Variants in SLC19A2 observed in about 807,000 individuals in gnomAD.
The protein encoded by SLC19A2 is solute carrier family 19 member 2.
Under a neutral mutation model 44.7 loss-of-function variants are expected in SLC19A2, and 27 were observed. The observed-to-expected ratio is 0.60, with a 90% CI of 0.45 to 0.83. The LOEUF is 0.83. SLC19A2 is among the 40% of genes least tolerant of loss of function. The probability of loss-of-function intolerance (pLI) is 0.00; values close to 1 mark genes in which losing one functional copy is unlikely to be tolerated. For missense variants in SLC19A2, 566 were observed against 613.7 expected, an observed-to-expected ratio of 0.92 and a Z score of 0.82; for synonymous variants, 239 against 243.6, an observed-to-expected ratio of 0.98 and a Z score of 0.18.
chr1:169,467,399 T>C (rs1658016719), intron 5 of SLC19A2, among the ~76,000 whole-genome samples: 2 of 152,184 alleles, frequency 1.3e-5, no homozygotes, highest in Admixed American at 6.6e-5. Flanking sequence ...ATTTCTCTCT[T>C]AGATCGCTTC....
At chr1:169,473,238 T>G (rs1035914570) in intron 2 of SLC19A2, among the ~76,000 whole-genome samples, 23 of 151,968 alleles carry the variant, frequency 1.5e-4, no homozygotes, top group Admixed American at 1.3e-4. Context: ...GGAAATTTTA[T>G]TTATTTATTT....
intron 2 of SLC19A2, among the ~76,000 whole-genome samples, chr1:169,476,848 C>A (rs1475729867): frequency 6.6e-6 from 1 of 152,076 alleles, no homozygotes; most frequent in East Asian, 1.9e-4. Flanking sequence ...TATTTATATG[C>A]CAAACACTCA....
chr1:169,484,775 A>G (rs1346361041), intron 1 of SLC19A2, among the ~76,000 whole-genome samples: 1 of 152,216 alleles, frequency 6.6e-6, no homozygotes, highest in Non-Finnish European at 1.5e-5. Context: ...AATCAGCAAG[A>G]AACTCTTGAT....
Position 169,465,434 on chromosome 1 carries a change from T to G in SLC19A2, c.*415A>C, listed in dbSNP as rs1012345673. 3 of 204,238 alleles carry G rather than the reference T, an allele frequency of 1.5e-5. No individual in the cohort carries two copies. The highest frequency in any genetic ancestry group is 5.3e-5 in the Admixed American group (1 of 18,798). The allele number at this position is 204,238 out of a possible 1,614,324, so 12.7% of individuals were successfully genotyped here. On this transcript the variant is annotated 3_prime_UTR_variant, in exon 6 of 6. Coordinates refer to ENST00000236137, the MANE Select transcript of SLC19A2 (RefSeq NM_006996.3). The stretch of plus-strand genomic sequence containing the variant: ...AGAACATATTTCCATCCATCATGAC[T>G]TGCAACATTTTGTGGCCTCTGTGGA...
In SLC19A2 at chr1:169,485,758, C is replaced by G. The variant is rs1363553501; in HGVS notation, c.9G>C (p.Val3=). Reference sequence around the variant, plus strand: ...CCGCCCGCCGAGACACCGGGCCGGGCACATCCATCCGGGGCGCGAGGGGAG... The same window carrying G: ...CCGCCCGCCGAGACACCGGGCCGGGGACATCCATCCGGGGCGCGAGGGGAG... MD[V]PGPVSRRAAA... is the part of the protein sequence containing the mutation. Residue 3 remains valine, a synonymous_variant, in exon 1 of 6, where the codon GTG becomes GTC. Coordinates refer to ENST00000236137, the MANE Select transcript of SLC19A2 (RefSeq NM_006996.3). The G allele has an allele frequency of 1.3e-6, 2 of 1,533,438 alleles. No homozygotes were observed. Among genetic ancestry groups the G allele is most frequent in the Admixed American group, 4.0e-5 (2 of 50,576 alleles). 95.0% of individuals were successfully genotyped at this position (1,533,438 alleles called of 1,614,324 possible).
At position 169,485,550 on chromosome 1, in the gene SLC19A2, CCGCCGCGCGTA is replaced by C; in HGVS notation, c.204+2_204+12del. 1 of 1,577,216 alleles carries C rather than the reference CCGCCGCGCGTA, an allele frequency of 6.3e-7. No homozygotes were observed. The highest frequency in any genetic ancestry group is 8.6e-7 in the Non-Finnish European group (1 of 1,162,024). ...CGCCCGCCCTTCCCGCGCCCCGCGT[CCGCCGCGCGTA>C]CCTCCCTCTCGGTCAGGTTCTTGTC... On this transcript the variant is annotated splice_donor_variant and splice_donor_5th_base_variant and intron_variant, in intron 1 of 5. Transcript: ENST00000236137. LOFTEE classifies it high-confidence loss of function.
chr1:169,484,220 C>T (rs1312320318), intron 1 of SLC19A2, among the ~76,000 whole-genome samples: 3 of 152,220 alleles, frequency 2.0e-5, no homozygotes, highest in African/African-American at 7.2e-5. Context: ...AATTCTCTCT[C>T]AAGTGCCCTT....
chr1:169,470,041 C>A lies in SLC19A2; in HGVS notation c.953G>T (p.Gly318Val). The A allele has an allele frequency of 6.2e-7, 1 of 1,613,964 alleles. No homozygotes were observed. Among genetic ancestry groups the A allele is most frequent in the South Asian group, 1.1e-5 (1 of 91,072 alleles). Residue 318 changes from glycine (G) to valine (V), a missense_variant, in exon 3 of 6, where the codon GGC (glycine) becomes GTC (valine). Coordinates refer to ENST00000236137, the MANE Select transcript of SLC19A2 (RefSeq NM_006996.3). ...GYFQVVNYTQ[G>V]LWEKVMPSRY... is the part of the protein sequence containing the mutation. ...AGAAGGCATCACTTTCTCCCACAGG[C>A]CCTGTGTGTAGTTCACAACTTGAAA... is the stretch of plus-strand genomic sequence containing the variant.
intron 5 of SLC19A2, among the ~76,000 whole-genome samples, chr1:169,466,604 T>A (rs1658000258): frequency 6.6e-6 from 1 of 152,098 alleles, no homozygotes; most frequent in Non-Finnish European, 1.5e-5. Context: ...CCATGGTGGT[T>A]TGCTGCACCT....
intron 1 of SLC19A2, among the ~76,000 whole-genome samples, chr1:169,478,575 G>A (rs532324322): frequency 1.0e-3 from 120 of 115,876 alleles, no homozygotes; most frequent in Middle Eastern, 9.1e-3. Flanking sequence ...GTTTCACCAC[G>A]TTACCCAGGC....
intron 2 of SLC19A2, among the ~76,000 whole-genome samples, chr1:169,473,569 C>T (rs1381074270): frequency 6.6e-6 from 1 of 151,944 alleles, no homozygotes; most frequent in Admixed American, 6.6e-5. Context: ...TTTAAAGTGC[C>T]ACTTCCTATG....
rs1207307074 is a variant in SLC19A2 at position 169,485,922 on chromosome 1, A to G, written c.-156T>C. On this transcript the variant is annotated 5_prime_UTR_variant, in exon 1 of 6. Coordinates refer to ENST00000236137, the MANE Select transcript of SLC19A2 (RefSeq NM_006996.3). ...CGCCGCCTCCGGCTACAGAACCCCC[A>G]GCTTTACCCTACAGACGCCTCTAGG... 1.4e-5 allele frequency: 12 copies of G among 888,602 alleles called. No individual in the cohort carries two copies. In the South Asian group the frequency reaches 1.8e-4, roughly 13 times the overall value. 55.0% of individuals were successfully genotyped at this position (888,602 alleles called of 1,614,324 possible).
intron 1 of SLC19A2, among the ~76,000 whole-genome samples, chr1:169,480,554 C>T (rs962386644): frequency 2.0e-5 from 3 of 152,006 alleles, no homozygotes; most frequent in Non-Finnish European, 4.4e-5. Context: ...CCTCATGATC[C>T]GCCCGCCTCA....
At chr1:169,467,899 C>T (rs766688445) in intron 5 of SLC19A2, among the ~76,000 whole-genome samples, 17 of 152,154 alleles carry the variant, frequency 1.1e-4, no homozygotes, top group Admixed American at 5.9e-4. Context: ...GAGTTACACT[C>T]GGGAATGTTC....
At chr1:169,478,319 T>C (rs1466884687) in intron 1 of SLC19A2, among the ~76,000 whole-genome samples, 3 of 152,032 alleles carry the variant, frequency 2.0e-5, no homozygotes, top group Non-Finnish European at 4.4e-5. Context: ...AAAGTACTTG[T>C]ATTACAACAT....
intron 1 of SLC19A2, among the ~76,000 whole-genome samples, chr1:169,482,213 A>G (rs1438347028): frequency 6.7e-6 from 1 of 148,704 alleles, no homozygotes; most frequent in Non-Finnish European, 1.5e-5. Context: ...AAAAATAAAA[A>G]TTAAAATTAA....
At position 169,477,574 on chromosome 1, in the gene SLC19A2, A is replaced by C. The variant is rs1658354307; in HGVS notation, c.388T>G (p.Phe130Val). The change falls in exon 2 of 6, where the codon TTT (phenylalanine) becomes GTT (valine). Residue 130 changes from phenylalanine (F) to valine (V), a missense_variant. Physicochemically the swap from Phe to Val is conservative, Grantham distance 50. Coordinates refer to ENST00000236137, the MANE Select transcript of SLC19A2 (RefSeq NM_006996.3). ...TCAGTGGCTGTGGCGATGCCATAAAAAAATTCTAGAAATTGAATGGCCAGC... is the reference window on the plus strand; with the variant it reads ...TCAGTGGCTGTGGCGATGCCATAAACAAATTCTAGAAATTGAATGGCCAGC... ...GLLAIQFLEFFYGIATATEIA... is the reference protein window; with the variant it reads ...GLLAIQFLEFVYGIATATEIA... The C allele has an allele frequency of 6.2e-7, 1 of 1,614,204 alleles. No individual in the cohort carries two copies. Among genetic ancestry groups the C allele is most frequent in the Non-Finnish European group, 8.5e-7 (1 of 1,180,032 alleles).
Position 169,477,497 on chromosome 1 carries a change from C to A in SLC19A2, c.465G>T (p.Gln155His). The change falls in exon 2 of 6, where the codon CAG becomes CAT. Residue 155 changes from glutamine (Q) to histidine (H), a missense_variant. Transcript: ENST00000236137. ...CACTTCGACAGTAACTTGTGACTTT[C>A]TGGTACATGCCCAGGTCCACCACAC... ...IYSVVDLGMYQKVTSYCRSAT... is the reference protein window; with the variant it reads ...IYSVVDLGMYHKVTSYCRSAT... 1 of 1,614,156 alleles carries A rather than the reference C, an allele frequency of 6.2e-7. No individual in the cohort carries two copies. The highest frequency in any genetic ancestry group is 8.5e-7 in the Non-Finnish European group (1 of 1,180,026).
At position 169,468,812 on chromosome 1, in the gene SLC19A2, C is replaced by A. The variant is rs755463633; in HGVS notation, c.1055G>T (p.Gly352Val). 1 of 1,613,854 alleles carries A rather than the reference C, an allele frequency of 6.2e-7. No homozygotes were observed. The highest frequency in any genetic ancestry group is 1.1e-5 in the South Asian group (1 of 91,080). ...LLGAVAVFAVGYIKISWSTWG... is the reference protein window; with the variant it reads ...LLGAVAVFAVVYIKISWSTWG... The stretch of plus-strand genomic sequence containing the variant: ...AGTTGACCAGGATATTTTTATATAA[C>A]CAACTGCAAACACAGCAACAGCACC... Residue 352 changes from glycine to valine, a missense_variant, in exon 4 of 6, where the codon GGT (glycine) becomes GTT (valine). By Grantham distance (109) the Gly-to-Val change is moderately radical (BLOSUM62 -3). Transcript: ENST00000236137.
Sources: allele counts gnomAD v4.1 joint callset (sites outside exome capture counted in the v4.1 genomes callset), GRCh38; gene constraint gnomAD v4.1.1; transcripts MANE v1.5; gene names NCBI Gene and HGNC (gene_info 2026-07-23, HGNC 2026-07-21).